TMEM130: variants seen among roughly 807,000 people sequenced by gnomAD.
TMEM130 encodes the protein transmembrane protein 130.
TMEM130 carries 37 observed loss-of-function variants against 42.9 expected under a neutral mutation model. That is an observed-to-expected ratio of 0.86 (90% confidence interval 0.66 to 1.13). The LOEUF is 1.13. TMEM130 is among the 50% of genes most tolerant of loss of function. TMEM130 has a pLI of 0.00. For missense variants in TMEM130, 545 were observed against 562.6 expected (o/e 0.97, Z 0.32); for synonymous variants, 259 against 237.7 (o/e 1.09, Z -0.82).
At position 98,851,416 on chromosome 7, in the gene TMEM130, C is replaced by A; in HGVS notation, c.1006+5G>T. The A allele has an allele frequency of 6.2e-7, 1 of 1,614,012 alleles. No individual in the cohort carries two copies. Among genetic ancestry groups the A allele is most frequent in the Non-Finnish European group, 8.5e-7 (1 of 1,179,966 alleles). On this transcript the variant is annotated splice_donor_5th_base_variant and intron_variant, in intron 6 of 7. Transcript: ENST00000339375. ...CACTGGAGCAGAAGGCGAGGTGTCA[C>A]TTACTGGAGGGCCACACCTGGATCT...
chr7:98,867,759 CT>C (rs1216005579), intron 1 of TMEM130, among the ~76,000 whole-genome samples: 53 of 152,282 alleles, frequency 3.5e-4, no homozygotes, highest in African/African-American at 9.6e-4. Context: ...TCCAAGGACA[CT>C]TTTTCTCAGT....
chr7:98,851,702 G>C, intron 5 of TMEM130, 79 bp from the exon 6 acceptor site: 5 of 1,344,842 alleles, frequency 3.7e-6, no homozygotes, highest in Admixed American at 2.4e-5. Context: ...GACAGGCCAG[G>C]TGGGCAGGAA....
In TMEM130 at chr7:98,869,048, C is replaced by A. The variant is rs570522753; in HGVS notation, c.85+729G>T. Reference sequence around the variant, plus strand: ...GGATAGTATTCAACCTTCTTAGCTGCCCACGTCCCATCTGTCCCTCGAATA... The same window carrying A: ...GGATAGTATTCAACCTTCTTAGCTGACCACGTCCCATCTGTCCCTCGAATA... On this transcript the variant is annotated intron_variant, in intron 1 of 7. Coordinates refer to ENST00000339375, the MANE Select transcript of TMEM130 (RefSeq NM_152913.3). The surrounding 1 kb of genome is among the most constrained non-coding windows in gnomAD (Gnocchi z 4.7). Among the ~76,000 whole-genome samples, 3 of 152,286 alleles carry A rather than the reference C, an allele frequency of 2.0e-5. No individual in the cohort carries two copies. Among genetic ancestry groups the A allele is most frequent in the South Asian group, 2.1e-4 (1 of 4,826 alleles).
chr7:98,848,093 G>A lies in TMEM130; in HGVS notation c.1235C>T (p.Pro412Leu), dbSNP rs140882547. ...AGTTTTGACAGACTTATAGAGGGGCGGGAGCAGCCCGTGGTTCTCACGAAC... is the reference window on the plus strand; with the variant it reads ...AGTTTTGACAGACTTATAGAGGGGCAGGAGCAGCCCGTGGTTCTCACGAAC... ...EIVRENHGLLPPLYKSVKTYT... is the reference protein window; with the variant it reads ...EIVRENHGLLLPLYKSVKTYT... The change falls in exon 8 of 8, where the codon CCG becomes CTG. Residue 412 changes from proline (P) to leucine (L), a missense_variant. Transcript: ENST00000339375. 55 of 1,614,060 alleles carry A rather than the reference G, an allele frequency of 3.4e-5. No homozygotes were observed. The highest frequency in any genetic ancestry group is 2.3e-4 in the African/African-American group (17 of 75,034).
chr7:98,868,548 T>G (rs981730031), intron 1 of TMEM130, among the ~76,000 whole-genome samples: 3 of 152,158 alleles, frequency 2.0e-5, no homozygotes, highest in African/African-American at 7.2e-5. Flanking sequence ...AACCCAGAAT[T>G]AATTAATAGT....
intron 6 of TMEM130, among the ~76,000 whole-genome samples, chr7:98,851,063 T>C (rs1364666213): frequency 1.3e-5 from 2 of 152,088 alleles, no homozygotes; most frequent in Non-Finnish European, 2.9e-5. Flanking sequence ...GCAATGGTGG[T>C]CCTGGAAGAG....
chr7:98,852,892 T>C (rs1353105828), intron 5 of TMEM130, among the ~76,000 whole-genome samples: 3 of 152,332 alleles, frequency 2.0e-5, no homozygotes, highest in Admixed American at 1.3e-4. Flanking sequence ...CTACCGTCCC[T>C]GACCATGAGA....
chr7:98,854,688 G>T (rs1486713383), intron 5 of TMEM130, among the ~76,000 whole-genome samples: 2 of 152,184 alleles, frequency 1.3e-5, no homozygotes, highest in Non-Finnish European at 2.9e-5. Flanking sequence ...ATTGAGCTGT[G>T]ATGGTGCCAC....
rs782629739 is a variant in TMEM130, at chr7:98,848,080, C to A, written c.1248G>T (p.Lys416Asn). Residue 416 changes from lysine (K) to asparagine (N), a missense_variant, in exon 8 of 8, where the codon AAG (lysine) becomes AAT (asparagine). Transcript: ENST00000339375. ...CTCACACGGTGTAAGTTTTGACAGA[C>A]TTATAGAGGGGCGGGAGCAGCCCGT... ...ENHGLLPPLY[K>N]SVKTYTV is the part of the protein sequence containing the mutation. 6 of 1,613,910 alleles carry A rather than the reference C, an allele frequency of 3.7e-6. No individual in the cohort carries two copies. The highest frequency in any genetic ancestry group is 8.5e-7 in the Non-Finnish European group (1 of 1,179,938).
At position 98,856,113 on chromosome 7, in the gene TMEM130, G is replaced by C. The variant is rs782295853; in HGVS notation, c.622C>G (p.Leu208Val). The C allele has an allele frequency of 6.2e-7, 1 of 1,613,994 alleles. No homozygotes were observed. Among genetic ancestry groups the C allele is most frequent in the Non-Finnish European group, 8.5e-7 (1 of 1,180,040 alleles). ...TCTTCCCACTCCGCCACCACTTTGA[G>C]CTTCACGGTGAAGGTCCCGATGATG... The part of the protein sequence containing the change: ...YSIIGTFTVK[L>V]KVVAEWEEVE... Residue 208 changes from leucine (L) to valine (V), a missense_variant, in exon 4 of 8, where the codon CTC becomes GTC. Leu to Val is a conservative substitution (Grantham distance 32). Transcript: ENST00000339375.
At position 98,863,360 on chromosome 7, in the gene TMEM130, G is replaced by C; in HGVS notation, c.126C>G (p.Thr42=). The C allele has an allele frequency of 1.2e-6, 2 of 1,605,884 alleles. No homozygotes were observed. Among genetic ancestry groups the C allele is most frequent in the Non-Finnish European group, 1.7e-6 (2 of 1,178,250 alleles). The change falls in exon 2 of 8, where the codon ACC becomes ACG. Residue 42 remains threonine (T), a synonymous_variant. Coordinates refer to ENST00000339375, the MANE Select transcript of TMEM130 (RefSeq NM_152913.3). ...ELNLTTDSPA[T]TGAVVTISAS... The stretch of plus-strand genomic sequence containing the variant: ...CCGAGATGGTCACCACCGCTCCCGT[G>C]GTGGCAGGGCTATCGGTGGTGAGAT...
chr7:98,860,068 CAAAA>C (rs113732793), intron 3 of TMEM130, 107 bp downstream of exon 3: 46 of 828,524 alleles, frequency 5.6e-5, no homozygotes, highest in Admixed American at 1.4e-4. Context: ...GACTGCATCT[CAAAA>C]AAAAAAAAAA....
At chr7:98,862,281 A>C (rs1170431639) in intron 2 of TMEM130, among the ~76,000 whole-genome samples, 54 of 106,196 alleles carry the variant, frequency 5.1e-4, no homozygotes, top group Non-Finnish European at 3.5e-5. Flanking sequence ...AGACAGAGAC[A>C]AAGAGACAGA....
At chr7:98,860,068 CAA>C (rs113732793) in intron 3 of TMEM130, 109 bp downstream of exon 3, 5,771 of 813,576 alleles carry the variant, frequency 7.1e-3, no homozygotes, top group South Asian at 0.014. Context: ...GACTGCATCT[CAA>C]AAAAAAAAAA....
rs1252796439 is a variant in TMEM130, at chr7:98,846,804, C to G, written c.*1252G>C. On this transcript the variant is annotated 3_prime_UTR_variant, in exon 8 of 8. Transcript: ENST00000339375. ...GGCCACCTCGGGAGCAGCTGGCAGG[C>G]AAGAATGCCCCCCTCACACACAGGG... The G allele has an allele frequency of 6.6e-6, 1 of 152,050 alleles. No individual in the cohort carries two copies. Among genetic ancestry groups the G allele is most frequent in the African/African-American group, 2.4e-5 (1 of 41,372 alleles). 9.4% of individuals were successfully genotyped at this position (152,050 alleles called of 1,614,324 possible).
chr7:98,853,309 T>G (rs1171772450), intron 5 of TMEM130, among the ~76,000 whole-genome samples: 3 of 152,168 alleles, frequency 2.0e-5, no homozygotes, highest in Non-Finnish European at 4.4e-5. Flanking sequence ...ATCCCTCTCA[T>G]GTGTCTCTGT....
chr7:98,862,975 G>C lies in TMEM130; in HGVS notation c.391+120C>G, dbSNP rs909948212. ...CGACTGACCCGGGGAAGGAACCTAC[G>C]GGCCTAATCCCCCAGAACCTACGGG... On this transcript the variant is annotated intron_variant, in intron 2 of 7. Coordinates refer to ENST00000339375, the MANE Select transcript of TMEM130 (RefSeq NM_152913.3). 19 of 1,050,858 alleles carry C rather than the reference G, an allele frequency of 1.8e-5. 1 individual carries two copies. In the Admixed American group the frequency reaches 2.9e-4, roughly 16 times the overall value. 65.1% of individuals were successfully genotyped at this position (1,050,858 alleles called of 1,614,324 possible).
At chr7:98,859,363 T>C (rs529103637) in intron 3 of TMEM130, among the ~76,000 whole-genome samples, 1 of 152,174 alleles carries the variant, frequency 6.6e-6, no homozygotes, top group South Asian at 2.1e-4. Context: ...CCACCAAGGG[T>C]TGGCTGGGTA....
At position 98,869,121 on chromosome 7, in the gene TMEM130, T is replaced by A; in HGVS notation, c.85+656A>T. On this transcript the variant is annotated intron_variant, in intron 1 of 7. Transcript: ENST00000339375. This position sits in a 1 kb window ranked among gnomAD's most constrained non-coding sequence, Gnocchi z 4.7. ...TGGTTCCCAAAATGTGGCAGAGAGG[T>A]GGGTGCTGGCTTTCTGGCGGTGGGG... 8.3e-7 allele frequency: 1 copy of A among 1,203,736 alleles called. No individual in the cohort carries two copies. 74.6% of individuals were successfully genotyped at this position (1,203,736 alleles called of 1,614,324 possible). A position where few individuals can be genotyped will look rare whatever the true frequency, so the allele number is the denominator to read the frequency against.
Sources: allele counts gnomAD v4.1 joint callset (sites outside exome capture counted in the v4.1 genomes callset), GRCh38; gene constraint gnomAD v4.1.1; non-coding constraint Gnocchi (gnomAD v3.1); transcripts MANE v1.5; gene names NCBI Gene and HGNC (gene_info 2026-07-23, HGNC 2026-07-21).